Variants in VWA3A observed in about 807,000 individuals in gnomAD.
VWA3A encodes von Willebrand factor A domain-containing protein 3A.
In VWA3A, 134 loss-of-function variants were observed where a neutral mutation model predicts 160.4. The ratio of observed to expected loss-of-function variants is 0.84; its 90% CI spans 0.73 to 0.96. The LOEUF is 0.96. VWA3A is among the 40% of genes least tolerant of loss of function. The probability of loss-of-function intolerance (pLI) is 0.00; values close to 1 mark genes in which losing one functional copy is unlikely to be tolerated. For missense variants in VWA3A, 1,310 were observed against 1,447.9 expected (o/e 0.90, Z 1.55); for synonymous variants, 476 against 543.4 (o/e 0.88, Z 1.72).
intron 5 of VWA3A, among the ~76,000 whole-genome samples, chr16:22,102,996 C>T (rs528967416): frequency 3.3e-5 from 5 of 152,328 alleles, no homozygotes; most frequent in Non-Finnish European, 7.3e-5. Context: ...CACCTATACA[C>T]TCGATCCCTT....
intron 17 of VWA3A, 38 bp downstream of exon 17, chr16:22,126,335 G>C (rs537440747): frequency 1.3e-6 from 2 of 1,594,454 alleles, no homozygotes; most frequent in African/African-American, 1.4e-5. Context: ...AGGGTGGGTC[G>C]TGTGTGTTTG....
chr16:22,132,975 G>A lies in VWA3A; in HGVS notation c.1948G>A (p.Gly650Ser). 6.2e-7 allele frequency: 1 copy of A among 1,613,954 alleles called. No homozygotes were observed. Among genetic ancestry groups the A allele is most frequent in the Non-Finnish European group, 8.5e-7 (1 of 1,179,886 alleles). ...GCTGAACGTGTGTCTCTTCTACGTG[G>A]GCGAGCCAAAGATGGACACCACACC... ...LQLNVCLFYV[G>S]EPKMDTTPPA... The change falls in exon 20 of 34, where the codon GGC becomes AGC. Residue 650 changes from glycine to serine, a missense_variant. Transcript: ENST00000389398.
At chr16:22,093,806 C>A (rs1172389953) in intron 1 of VWA3A, among the ~76,000 whole-genome samples, 1 of 152,080 alleles carries the variant, frequency 6.6e-6, no homozygotes, top group East Asian at 1.9e-4. Flanking sequence ...ACTCCAACAC[C>A]CAGGCTGGAG....
At chr16:22,102,211 T>C (rs931836651) in intron 5 of VWA3A, among the ~76,000 whole-genome samples, 4 of 151,892 alleles carry the variant, frequency 2.6e-5, no homozygotes, top group African/African-American at 9.7e-5. Context: ...ATTAGCCAGG[T>C]GTGGTGGTGT....
At chr16:22,104,015 C>T (rs1358429428) in intron 6 of VWA3A, among the ~76,000 whole-genome samples, 1 of 152,134 alleles carries the variant, frequency 6.6e-6, no homozygotes, top group Non-Finnish European at 1.5e-5. Flanking sequence ...GCCCCCCAGC[C>T]CTCATGGACT....
At chr16:22,155,474 A>G (rs2046424309) in intron 31 of VWA3A, 93 bp from the exon 32 acceptor site, 1 of 1,132,852 alleles carries the variant, frequency 8.8e-7, no homozygotes, top group East Asian at 2.3e-5. Flanking sequence ...GATGGAAACC[A>G]GAACGTGATT....
chr16:22,122,573 A>C (rs1180427288), intron 14 of VWA3A, among the ~76,000 whole-genome samples: 2 of 152,132 alleles, frequency 1.3e-5, no homozygotes, highest in African/African-American at 4.8e-5. Flanking sequence ...TAGGTCTAGC[A>C]GTGCATGGAT....
chr16:22,146,490 A>G, intron 27 of VWA3A, 146 bp downstream of exon 27: 1 of 674,160 alleles, frequency 1.5e-6, no homozygotes. Flanking sequence ...ATCCACATAC[A>G]ACATGACACT....
At chr16:22,118,545 G>A (rs1231685546) in intron 11 of VWA3A, among the ~76,000 whole-genome samples, 1 of 152,120 alleles carries the variant, frequency 6.6e-6, no homozygotes, top group African/African-American at 2.4e-5. Context: ...AATTAGCCGG[G>A]CGTGGTGGCG....
intron 21 of VWA3A, among the ~76,000 whole-genome samples, chr16:22,135,110 A>G (rs777561254): frequency 2.0e-5 from 3 of 152,216 alleles, no homozygotes; most frequent in African/African-American, 4.8e-5. Context: ...GGAGATGAAG[A>G]ACTTGCTTGG....
intron 1 of VWA3A, among the ~76,000 whole-genome samples, chr16:22,095,979 A>G (rs1223342838): frequency 6.6e-6 from 1 of 152,120 alleles, no homozygotes; most frequent in Non-Finnish European, 1.5e-5. Flanking sequence ...CGCTGGGAGG[A>G]CAAGGACAAA....
intron 13 of VWA3A, 62 bp downstream of exon 13, chr16:22,121,165 G>A (rs954817432): frequency 1.2e-6 from 2 of 1,608,532 alleles, no homozygotes; most frequent in African/African-American, 2.7e-5. Context: ...CTTGAATCCG[G>A]CCGGGCACAG....
rs1410328485 is a variant in VWA3A, at chr16:22,123,077, G to A, written c.1357-8G>A. Reference sequence around the variant, plus strand: ...CCTGCTCACCCTCCTGCCCATGCCTGAGTATAGAAGGCAATGATACAATTT... The same window carrying A: ...CCTGCTCACCCTCCTGCCCATGCCTAAGTATAGAAGGCAATGATACAATTT... On this transcript the variant is annotated splice_polypyrimidine_tract_variant and splice_region_variant and intron_variant, in intron 14 of 33. Coordinates refer to ENST00000389398, the MANE Select transcript of VWA3A (RefSeq NM_173615.5). 1 of 1,593,998 alleles carries A rather than the reference G, an allele frequency of 6.3e-7. No individual in the cohort carries two copies. Among genetic ancestry groups the A allele is most frequent in the South Asian group, 1.1e-5 (1 of 87,706 alleles).
intron 12 of VWA3A, among the ~76,000 whole-genome samples, chr16:22,119,917 C>T (rs1407890878): frequency 6.6e-6 from 1 of 151,520 alleles, no homozygotes; most frequent in East Asian, 1.9e-4. Flanking sequence ...ACATGGGAGG[C>T]TGATTCAGGA....
intron 22 of VWA3A, 106 bp from the exon 23 acceptor site, chr16:22,140,048 C>A: frequency 9.2e-7 from 1 of 1,086,452 alleles, no homozygotes; most frequent in Non-Finnish European, 1.4e-6. Flanking sequence ...CTCCCTTAGG[C>A]TCCTCCCTAC....
intron 28 of VWA3A, among the ~76,000 whole-genome samples, chr16:22,149,134 T>C (rs1322368685): frequency 6.6e-6 from 1 of 152,192 alleles, no homozygotes; most frequent in African/African-American, 2.4e-5. Context: ...GTTGCTGTTA[T>C]CGGCCCCCAT....
intron 13 of VWA3A, among the ~76,000 whole-genome samples, 179 bp downstream of exon 13, chr16:22,121,282 T>C (rs1488435440): frequency 6.6e-6 from 1 of 151,980 alleles, no homozygotes; most frequent in Non-Finnish European, 1.5e-5. Context: ...CCCATCTCTA[T>C]AAAAAATAAA....
At chr16:22,109,218 A>G (rs2045520375) in intron 6 of VWA3A, among the ~76,000 whole-genome samples, 1 of 152,194 alleles carries the variant, frequency 6.6e-6, no homozygotes, top group East Asian at 1.9e-4. Flanking sequence ...TACAATGACC[A>G]TGTATTACTT....
rs367686926 is a variant in VWA3A, at chr16:22,110,954, G to T, written c.649G>T (p.Gly217Trp). 1 of 1,610,088 alleles carries T rather than the reference G, an allele frequency of 6.2e-7. No individual in the cohort carries two copies. The highest frequency in any genetic ancestry group is 2.2e-5 in the East Asian group (1 of 44,752). ...TGTCCTGTCCTTTGGCACCAATGCC[G>T]GGTCCCTCTGGCCAGACCCCATGGA... ...LFVLSFGTNA[G>W]SLWPDPMEVS... Residue 217 changes from glycine to tryptophan, a missense_variant, in exon 8 of 34, where the codon GGG (glycine) becomes TGG (tryptophan). Physicochemically the swap from Gly to Trp is radical, Grantham distance 184 (BLOSUM62 -2). Transcript: ENST00000389398.
Sources: gnomAD v4.1 joint callset for allele counts (sites outside exome capture counted in the v4.1 genomes callset) on GRCh38, gnomAD v4.1.1 for gene constraint, MANE v1.5 for transcripts, NCBI Gene and HGNC (gene_info 2026-07-23, HGNC 2026-07-21) for gene names.